The following SPG7 variants were observed in gnomAD, a reference collection of about 807,000 sequenced individuals.
The protein encoded by SPG7 is mitochondrial inner membrane m-AAA protease component paraplegin.
Under a neutral mutation model 81.9 loss-of-function variants are expected in SPG7, and 103 were observed. The ratio of observed to expected loss-of-function variants is 1.26; its 90% CI spans 1.07 to 1.48. SPG7 has a LOEUF of 1.48. Ranked by LOEUF, SPG7 falls within the 40% of genes most tolerant of loss-of-function variation. The probability of loss-of-function intolerance (pLI) is 0.00; values close to 1 mark genes in which losing one functional copy is unlikely to be tolerated. For missense variants in SPG7, 1,241 were observed against 1,087.3 expected (o/e 1.14, Z -1.99); for synonymous variants, 534 against 444.2 (o/e 1.20, Z -2.54).
chr16:89,544,609 C>A (rs775987878), intron 9 of SPG7, 39 bp from the exon 10 acceptor site: 1 of 1,612,906 alleles, frequency 6.2e-7, no homozygotes, highest in East Asian at 2.2e-5. Context: ...TGTGTCAGGA[C>A]CCCTACCCTC....
At chr16:89,508,791 G>C (rs1327818786) in intron 1 of SPG7, 191 bp downstream of exon 1, 2 of 735,702 alleles carry the variant, frequency 2.7e-6, no homozygotes. Flanking sequence ...GCGCTGGGCG[G>C]GCCGGGAAGA....
chr16:89,544,989 G>C (rs1372551964), intron 10 of SPG7: 2 of 614,736 alleles, frequency 3.3e-6, no homozygotes, highest in Admixed American at 2.3e-5. Flanking sequence ...TTGGCTGCAC[G>C]CCCCCTGGCA....
intron 9 of SPG7, chr16:89,538,010 G>C (rs898381282): frequency 6.5e-6 from 1 of 153,740 alleles, no homozygotes; most frequent in East Asian, 1.9e-4. Flanking sequence ...GTACTTCCCT[G>C]GGGGTTGCGA....
chr16:89,512,036 C>G (rs1178158617), intron 2 of SPG7, among the ~76,000 whole-genome samples: 2 of 151,954 alleles, frequency 1.3e-5, no homozygotes, highest in Non-Finnish European at 2.9e-5. Context: ...CTCAGCCTCC[C>G]AAGTAGCTGG....
Position 89,550,515 on chromosome 16 carries a change from TC to T in SPG7, c.1687del (p.Leu563CysfsTer29). The T allele has an allele frequency of 6.2e-7, 1 of 1,613,772 alleles. No homozygotes were observed. The highest frequency in any genetic ancestry group is 8.5e-7 in the Non-Finnish European group (1 of 1,179,914). On this transcript the variant is annotated frameshift_variant, in exon 13 of 17. Coordinates refer to ENST00000645818, the MANE Select transcript of SPG7 (RefSeq NM_003119.4). LOFTEE classifies it high-confidence loss of function. Reference protein sequence around the residue: ...VLAGTAKKSKILSKEEQKVVA... With the variant: ...VLAGTAKKSKXLSKEEQKVVA... ...TCAGGGACTGCCAAAAAGAGCAAGA[TC>T]CTGTCCAAGGAAGAACAGAAAGTGG...
At chr16:89,548,722 A>G in intron 12 of SPG7, 1 of 352,176 alleles carries the variant, frequency 2.8e-6, no homozygotes, top group South Asian at 2.1e-5. Flanking sequence ...CTGTGAGGAG[A>G]GAGGACCAAA....
At position 89,546,638 on chromosome 16, in the gene SPG7, T is replaced by C. The variant is rs201170969; in HGVS notation, c.1450-20T>C. ...AACTAGGCTTGAGCCCGACTGTCTT[T>C]CCTCCCCTGGTTCTGGCAGGAGAGG... On this transcript the variant is annotated intron_variant, in intron 10 of 16. Transcript: ENST00000645818. 7 of 1,569,946 alleles carry C rather than the reference T, an allele frequency of 4.5e-6. No homozygotes were observed. The East Asian group carries it at 1.1e-4, about 25-fold the overall frequency.
intron 13 of SPG7, 73 bp downstream of exon 13, chr16:89,550,682 C>T: frequency 1.0e-6 from 1 of 1,003,280 alleles, no homozygotes; most frequent in Non-Finnish European, 1.6e-6. Context: ...GTGTCTGTAG[C>T]TGACTGGGGA....
chr16:89,535,812 T>C (rs2058406270), intron 9 of SPG7, among the ~76,000 whole-genome samples: 1 of 152,260 alleles, frequency 6.6e-6, no homozygotes, highest in African/African-American at 2.4e-5. Context: ...GCAGAGCATC[T>C]TTATGTGGCC....
intron 6 of SPG7, 66 bp from the exon 7 acceptor site, chr16:89,530,617 C>T (rs963439058): frequency 4.7e-5 from 75 of 1,605,446 alleles, no homozygotes; most frequent in African/African-American, 2.7e-5. Context: ...GTGGGCTGAG[C>T]GCTGGCATCG....
intron 5 of SPG7, chr16:89,528,977 A>G (rs1162325865): frequency 3.6e-5 from 7 of 195,048 alleles, no homozygotes; most frequent in Non-Finnish European, 7.5e-5. Flanking sequence ...ATGTCCAGCT[A>G]ATTTTTGTAT....
intron 3 of SPG7, chr16:89,521,958 C>G (rs2058193317): frequency 6.6e-6 from 1 of 152,080 alleles, no homozygotes; most frequent in Admixed American, 6.5e-5. Flanking sequence ...TCCAGGGCAG[C>G]TAGAGTAGCT....
intron 14 of SPG7, 71 bp from the exon 15 acceptor site, chr16:89,553,723 G>A: frequency 6.6e-7 from 1 of 1,508,620 alleles, no homozygotes; most frequent in African/African-American, 1.4e-5. Context: ...CTCTGACCGG[G>A]ACACCTGGGG....
intron 1 of SPG7, chr16:89,509,139 A>G (rs2057977076): frequency 8.1e-6 from 3 of 370,896 alleles, no homozygotes; most frequent in South Asian, 3.9e-5. Context: ...AGGTTCTGCT[A>G]AGGATAGGAT....
intron 11 of SPG7, chr16:89,547,050 T>TG (rs1567928828): frequency 2.5e-6 from 1 of 404,724 alleles, no homozygotes; most frequent in Non-Finnish European, 4.7e-6. Flanking sequence ...TGACCAGTCA[T>TG]GCCGGCGTTT....
At chr16:89,522,026 T>A (rs2058194661) in intron 3 of SPG7, 1 of 152,146 alleles carries the variant, frequency 6.6e-6, no homozygotes, top group South Asian at 2.1e-4. Context: ...GAAAACACAA[T>A]TGGTAATTAA....
At chr16:89,533,779 A>G (rs2058377089) in intron 9 of SPG7, 1 of 151,586 alleles carries the variant, frequency 6.6e-6, no homozygotes. Context: ...ACATGGAATT[A>G]TTTTTCTTCT....
At chr16:89,528,817 T>C (rs1350009303) in intron 5 of SPG7, 1 of 155,246 alleles carries the variant, frequency 6.4e-6, no homozygotes, top group East Asian at 1.9e-4. Flanking sequence ...TCTTACATTT[T>C]TCTTTTCTTT....
At chr16:89,530,402 C>G in intron 6 of SPG7, 1 of 464,798 alleles carries the variant, frequency 2.2e-6, no homozygotes, top group Non-Finnish European at 4.0e-6. Context: ...TCTCGGCCTC[C>G]CAAAGTGCTA....
Sources: allele counts gnomAD v4.1 joint callset (sites outside exome capture counted in the v4.1 genomes callset), GRCh38; gene constraint gnomAD v4.1.1; transcripts MANE v1.5; gene names NCBI Gene and HGNC (gene_info 2026-07-23, HGNC 2026-07-21).